The following ERBB4 variants were observed in gnomAD, a reference collection of about 807,000 sequenced individuals.
The protein encoded by ERBB4 is receptor tyrosine-protein kinase erbB-4.
ERBB4 carries 42 observed loss-of-function variants against 158.0 expected under a neutral mutation model. That is an observed-to-expected ratio of 0.27 (90% CI 0.21 to 0.34). The LOEUF is 0.34. ERBB4 is among the 10% of genes least tolerant of loss of function. ERBB4 has a pLI of 1.00. For missense variants in ERBB4, 1,333 were observed against 1,624.1 expected (o/e 0.82, Z 3.08); for synonymous variants, 583 against 558.7 (o/e 1.04, Z -0.61).
rs544797803 is a variant in ERBB4 at position 211,424,148 on chromosome 2, G to A, written c.2866+7C>T. On this transcript the variant is annotated splice_region_variant and intron_variant, in intron 23 of 27. Transcript: ENST00000342788. Reference sequence around the variant, plus strand: ...ATGATGGTGATAACATTATTTTGCAGTCTTACATTTGACCATGACCATGTA... The same window carrying A: ...ATGATGGTGATAACATTATTTTGCAATCTTACATTTGACCATGACCATGTA... 6.2e-7 allele frequency: 1 copy of A among 1,611,718 alleles called. No homozygotes were observed.
At chr2:212,373,700 C>T (rs1350135910) in intron 1 of ERBB4, among the ~76,000 whole-genome samples, 7 of 143,356 alleles carry the variant, frequency 4.9e-5, no homozygotes, top group East Asian at 2.0e-4. Context: ...CATATATATC[C>T]ATATATATAT....
In ERBB4 at chr2:211,619,390, G is replaced by A. The variant is rs1425279804; in HGVS notation, c.2203-115C>T. The A allele has an allele frequency of 2.7e-5, 18 of 672,370 alleles. No individual in the cohort carries two copies. In the East Asian group the frequency reaches 4.9e-4, roughly 18 times the overall value. The allele number at this position is 672,370 out of a possible 1,614,324, so 41.7% of individuals were successfully genotyped here. On this transcript the variant is annotated intron_variant, in intron 18 of 27. Coordinates refer to ENST00000342788, the MANE Select transcript of ERBB4 (RefSeq NM_005235.3). ...ATCAACAAATGTTTATTTAGCACCT[G>A]TTACATGTTACAAGTTACTCTGCAA...
intron 1 of ERBB4, among the ~76,000 whole-genome samples, chr2:212,398,966 C>T (rs1488400579): frequency 3.3e-5 from 5 of 152,014 alleles, no homozygotes; most frequent in Admixed American, 6.6e-5. Flanking sequence ...ATTTTTGATA[C>T]GGAGTCTCGC....
chr2:212,054,095 G>C (rs997694540), intron 2 of ERBB4, among the ~76,000 whole-genome samples: 1 of 152,144 alleles, frequency 6.6e-6, no homozygotes, highest in Non-Finnish European at 1.5e-5. Context: ...CCACAGGGAA[G>C]AGTATTGCAC....
intron 3 of ERBB4, among the ~76,000 whole-genome samples, chr2:211,887,238 A>C (rs1384528017): frequency 6.9e-6 from 1 of 145,314 alleles, no homozygotes; most frequent in Non-Finnish European, 1.5e-5. Context: ...ACAGAGTTGA[A>C]AGATAACAGA....
intron 1 of ERBB4, among the ~76,000 whole-genome samples, chr2:212,458,613 T>C (rs1688420214): frequency 6.6e-6 from 1 of 151,228 alleles, no homozygotes; most frequent in Non-Finnish European, 1.5e-5. Context: ...AGTCACACAA[T>C]CAGGTCTCTA....
chr2:211,644,034 C>T (rs900968970), intron 16 of ERBB4, among the ~76,000 whole-genome samples: 8 of 151,820 alleles, frequency 5.3e-5, no homozygotes, highest in Non-Finnish European at 1.0e-4. Flanking sequence ...CAAGAACATC[C>T]AAGTTTTCTA....
chr2:211,697,658 A>T (rs978657867), intron 12 of ERBB4, among the ~76,000 whole-genome samples: 1 of 152,242 alleles, frequency 6.6e-6, no homozygotes, highest in Non-Finnish European at 1.5e-5. Context: ...AAGATAAATT[A>T]ATCATGTAAA....
chr2:212,393,221 T>A (rs2090929457), intron 1 of ERBB4, among the ~76,000 whole-genome samples: 1 of 152,074 alleles, frequency 6.6e-6, no homozygotes, highest in South Asian at 2.1e-4. Context: ...CAAGAATCTG[T>A]TTTATAAAAG....
chr2:212,119,585 T>A (rs1274134853), intron 2 of ERBB4, among the ~76,000 whole-genome samples: 1 of 152,186 alleles, frequency 6.6e-6, no homozygotes, highest in Non-Finnish European at 1.5e-5. Flanking sequence ...CCTCGCTGCT[T>A]TCTATTATAT....
chr2:211,947,988 C>T (rs1436524781), intron 2 of ERBB4, among the ~76,000 whole-genome samples: 1 of 152,098 alleles, frequency 6.6e-6, no homozygotes, highest in Non-Finnish European at 1.5e-5. Flanking sequence ...AATAAAAAAG[C>T]ATATTGGTGA....
chr2:211,754,820 C>T (rs1386749283), intron 4 of ERBB4, among the ~76,000 whole-genome samples: 2 of 152,104 alleles, frequency 1.3e-5, no homozygotes, highest in East Asian at 1.9e-4. Context: ...CCTGCCTTAG[C>T]CTCCCAGCTA....
At chr2:211,877,251 G>A (rs969389987) in intron 3 of ERBB4, among the ~76,000 whole-genome samples, 4 of 152,216 alleles carry the variant, frequency 2.6e-5, no homozygotes, top group African/African-American at 4.8e-5. Flanking sequence ...GACTATGGCA[G>A]AATTTATGTG....
chr2:212,015,665 T>G (rs1191621345), intron 2 of ERBB4, among the ~76,000 whole-genome samples: 1 of 152,132 alleles, frequency 6.6e-6, no homozygotes, highest in Non-Finnish European at 1.5e-5. Flanking sequence ...CCCAAGTAAT[T>G]TGGAGCTCCC....
At chr2:212,183,365 T>C (rs1306768040) in intron 1 of ERBB4, among the ~76,000 whole-genome samples, 1 of 152,068 alleles carries the variant, frequency 6.6e-6, no homozygotes, top group African/African-American at 2.4e-5. Context: ...ATGGGTAGTC[T>C]AGACAATTTG....
At chr2:211,976,291 C>CTTAA (rs1253701208) in intron 2 of ERBB4, among the ~76,000 whole-genome samples, 5 of 152,144 alleles carry the variant, frequency 3.3e-5, no homozygotes, top group Admixed American at 3.3e-4. Context: ...GCCAAATTTA[C>CTTAA]TTAATTGTTC....
At chr2:211,578,157 C>A (rs948200513) in intron 19 of ERBB4, among the ~76,000 whole-genome samples, 3 of 151,982 alleles carry the variant, frequency 2.0e-5, no homozygotes, top group Non-Finnish European at 4.4e-5. Flanking sequence ...TATACACCAA[C>A]AACAGGCAAG....
In ERBB4 at chr2:212,109,844, G is replaced by A. The variant is rs73069300; in HGVS notation, c.234+14908C>T. 8.4e-3 allele frequency among the ~76,000 whole-genome samples: 1,283 copies of A among 152,260 alleles called. 15 individuals carry two copies. Among genetic ancestry groups the A allele is most frequent in the African/African-American group, 0.029 (1,203 of 41,542 alleles). ...AATTTGTTGTGACGTTTCCCTTTCT[G>A]TAAGCCATGAGGATAGCATAAATTC... On this transcript the variant is annotated intron_variant, in intron 2 of 27. Coordinates refer to ENST00000342788, the MANE Select transcript of ERBB4 (RefSeq NM_005235.3).
chr2:212,400,623 T>C (rs985081991), intron 1 of ERBB4, among the ~76,000 whole-genome samples: 3 of 152,178 alleles, frequency 2.0e-5, no homozygotes, highest in African/African-American at 7.2e-5. Context: ...TCTTATTATG[T>C]ATTTTAGTAT....
Sources: allele counts gnomAD v4.1 joint callset (sites outside exome capture counted in the v4.1 genomes callset), GRCh38; gene constraint gnomAD v4.1.1; transcripts MANE v1.5; gene names NCBI Gene and HGNC (gene_info 2026-07-23, HGNC 2026-07-21).